ACTR3C: variants seen among roughly 807,000 people sequenced by gnomAD.
The protein encoded by ACTR3C is actin-related protein 3C.
Under a neutral mutation model 26.3 loss-of-function variants are expected in ACTR3C, and 18 were observed. That is an observed-to-expected ratio of 0.68 (90% CI 0.47 to 1.01). The LOEUF (loss-of-function observed/expected upper bound fraction) is 1.01. Among genes scored for constraint, ACTR3C ranks in the 50% least tolerant of loss-of-function variants. The probability of loss-of-function intolerance (pLI) is 0.00; values close to 1 mark genes in which losing one functional copy is unlikely to be tolerated. For synonymous variants in ACTR3C, 55 were observed against 94.5 expected (o/e 0.58, Z 2.42); for missense variants, 184 against 250.7 (o/e 0.73, Z 1.80).
the ACTR3C span, among the ~76,000 whole-genome samples, chr7:150,134,739 A>G: frequency 6.6e-6 from 1 of 152,276 alleles, no homozygotes; most frequent in African/African-American, 2.4e-5. Flanking sequence ...CGTCAGGATG[A>G]TTCCTTTTAC....
the ACTR3C span, among the ~76,000 whole-genome samples, chr7:150,117,394 G>C: frequency 6.6e-6 from 1 of 152,210 alleles, no homozygotes; most frequent in Non-Finnish European, 1.5e-5. Context: ...GAGCTTGGTG[G>C]GGGGAGGGGT....
At chr7:150,065,757 A>G in the ACTR3C span, among the ~76,000 whole-genome samples, 1 of 150,770 alleles carries the variant, frequency 6.6e-6, no homozygotes, top group Non-Finnish European at 1.5e-5. Context: ...AGTTCTTTCC[A>G]TCTGGGTTGA....
the ACTR3C span, among the ~76,000 whole-genome samples, chr7:149,939,277 G>GC: frequency 6.6e-6 from 1 of 152,126 alleles, no homozygotes; most frequent in Non-Finnish European, 1.5e-5. Context: ...ACCGCACCCG[G>GC]CCCAAATAAG....
chr7:150,314,435 G>A (rs1474500007), intron 1 of ACTR3C, among the ~76,000 whole-genome samples: 1 of 152,136 alleles, frequency 6.6e-6, no homozygotes, highest in Non-Finnish European at 1.5e-5. Context: ...CTACCTCAGG[G>A]TACTGATTGG....
chr7:150,323,437 C>T (rs3735173), intron 1 of ACTR3C, 32 bp downstream of exon 1: 97,657 of 344,816 alleles, frequency 0.28, 14,425 homozygotes, highest in East Asian at 0.44. Flanking sequence ...CAGGGGCCGC[C>T]AGGCGGCGGG....
chr7:150,125,056 T>G, the ACTR3C span, among the ~76,000 whole-genome samples: 204 of 152,346 alleles, frequency 1.3e-3, 1 homozygote, highest in African/African-American at 4.8e-3. Flanking sequence ...ATATTGCTTT[T>G]GTCATATTTT....
chr7:150,185,272 C>G, the ACTR3C span, among the ~76,000 whole-genome samples: 1 of 124,420 alleles, frequency 8.0e-6, no homozygotes, highest in African/African-American at 3.5e-5. Context: ...TATTAAATGT[C>G]AGGCGTGTGT....
chr7:150,085,573 T>G, the ACTR3C span, among the ~76,000 whole-genome samples: 2 of 152,336 alleles, frequency 1.3e-5, no homozygotes, highest in Non-Finnish European at 2.9e-5. Context: ...CAACCAATAT[T>G]CAGGCACTTC....
At chr7:149,960,257 G>A in the ACTR3C span, among the ~76,000 whole-genome samples, 1 of 151,824 alleles carries the variant, frequency 6.6e-6, no homozygotes, top group East Asian at 1.9e-4. Flanking sequence ...TAAGGAAGAA[G>A]ATATGTGTTT....
At chr7:150,110,557 T>TGC in the ACTR3C span, among the ~76,000 whole-genome samples, 1 of 39,800 alleles carries the variant, frequency 2.5e-5, no homozygotes, top group African/African-American at 1.1e-4. Context: ...AGAGATTCAC[T>TGC]CTGGCTGGAG....
the ACTR3C span, among the ~76,000 whole-genome samples, chr7:150,051,045 A>G: frequency 1.4e-5 from 2 of 146,696 alleles, no homozygotes; most frequent in Admixed American, 1.4e-4. Flanking sequence ...CGGAGGTTGC[A>G]ATGAGCCGAG....
intron 6 of ACTR3C, among the ~76,000 whole-genome samples, chr7:150,251,979 A>T (rs1236659219): frequency 6.6e-6 from 1 of 152,224 alleles, no homozygotes; most frequent in Non-Finnish European, 1.5e-5. Context: ...ACCATAGTCC[A>T]GCGTTTGCTC....
chr7:150,085,053 T>C, the ACTR3C span, among the ~76,000 whole-genome samples: 3 of 152,036 alleles, frequency 2.0e-5, no homozygotes, highest in Non-Finnish European at 4.4e-5. Context: ...CTTGACCACC[T>C]GGGTTGGTGG....
the ACTR3C span, among the ~76,000 whole-genome samples, chr7:150,031,882 T>TG: frequency 6.6e-6 from 1 of 152,040 alleles, no homozygotes; most frequent in Admixed American, 6.5e-5. Context: ...TTGTTCTTAC[T>TG]GGGGGGAATG....
the ACTR3C span, among the ~76,000 whole-genome samples, chr7:150,175,792 G>A: frequency 8.4e-6 from 1 of 119,604 alleles, no homozygotes; most frequent in Non-Finnish European, 1.6e-5. Flanking sequence ...TCCAGCCTGG[G>A]AAACAGTGAG....
chr7:150,231,230 A>G, the ACTR3C span, among the ~76,000 whole-genome samples: 1 of 152,136 alleles, frequency 6.6e-6, no homozygotes, highest in East Asian at 1.9e-4. Flanking sequence ...AATCTCTGCT[A>G]TAGGTTAAAT....
chr7:150,038,828 G>T, the ACTR3C span, among the ~76,000 whole-genome samples: 38,091 of 103,668 alleles, frequency 0.37, 6,011 homozygotes, highest in East Asian at 0.57. Context: ...TGCGATGGGG[G>T]TCCTAAGAGC....
the ACTR3C span, among the ~76,000 whole-genome samples, chr7:150,177,995 A>G: frequency 6.6e-6 from 1 of 150,852 alleles, no homozygotes; most frequent in Non-Finnish European, 1.5e-5. Context: ...TTCTTATTGG[A>G]TTGGATCTAA....
At chr7:149,949,739 T>C in the ACTR3C span, among the ~76,000 whole-genome samples, 13 of 147,334 alleles carry the variant, frequency 8.8e-5, no homozygotes, top group Non-Finnish European at 1.6e-4. Context: ...CAAGATTTCA[T>C]GAGGATGGAA....
Sources: gnomAD v4.1 joint callset for allele counts (sites outside exome capture counted in the v4.1 genomes callset) on GRCh38, gnomAD v4.1.1 for gene constraint, MANE v1.5 for transcripts, NCBI Gene and HGNC (gene_info 2026-07-23, HGNC 2026-07-21) for gene names.